The following INO80 variants were observed in gnomAD, a reference collection of about 807,000 sequenced individuals.
INO80 encodes the protein chromatin-remodeling ATPase INO80.
In INO80, 20 loss-of-function variants were observed where a neutral mutation model predicts 203.4. The ratio of observed to expected loss-of-function variants is 0.10; its 90% CI spans 0.07 to 0.14. INO80 has a LOEUF of 0.14. INO80 is among the 10% of genes least tolerant of loss of function. The pLI is 1.00. For synonymous variants in INO80, 726 were observed against 685.2 expected (o/e 1.06, Z -0.93); for missense variants, 1,419 against 1,914.4 (o/e 0.74, Z 4.83).
chr15:41,000,944 G>A (rs965684040), intron 28 of INO80, among the ~76,000 whole-genome samples: 4 of 152,078 alleles, frequency 2.6e-5, no homozygotes, highest in African/African-American at 9.7e-5. Context: ...TTGTGATGAT[G>A]AGGTAGATGA....
chr15:41,089,277 A>C (rs575900759), intron 5 of INO80, among the ~76,000 whole-genome samples: 1 of 152,302 alleles, frequency 6.6e-6, no homozygotes, highest in East Asian at 1.9e-4. Context: ...TTTAAGAAGG[A>C]AGGAACTTTT....
At chr15:41,065,957 T>C (rs1403440581) in intron 14 of INO80, among the ~76,000 whole-genome samples, 6 of 152,080 alleles carry the variant, frequency 3.9e-5, no homozygotes, top group Middle Eastern at 3.4e-3. Flanking sequence ...TTACACAAGA[T>C]TGTGAATGCA....
At chr15:41,008,170 CAAAAT>C (rs1022380160) in intron 27 of INO80, among the ~76,000 whole-genome samples, 49 of 151,328 alleles carry the variant, frequency 3.2e-4, no homozygotes, top group Admixed American at 6.6e-4. Context: ...GTGATTGTCT[CAAAAT>C]AAACAAACAA....
Position 41,099,469 on chromosome 15 carries a change from T to C in INO80, c.-43-3116A>G, listed in dbSNP as rs544533765. ...TTGTAAATTGTCAGTCTTGGTAATA[T>C]AAAGAAAAAAGAATGCTAAAAAATA... On this transcript the variant is annotated intron_variant, in intron 1 of 35. Coordinates refer to ENST00000648947, the MANE Select transcript of INO80 (RefSeq NM_017553.3). Among the ~76,000 whole-genome samples, 3 of 151,936 alleles carry C rather than the reference T, an allele frequency of 2.0e-5. No homozygotes were observed. In the South Asian group the frequency reaches 6.2e-4, roughly 32 times the overall value.
intron 35 of INO80, among the ~76,000 whole-genome samples, chr15:40,980,877 G>A (rs113252277): frequency 3.3e-4 from 50 of 152,156 alleles, no homozygotes; most frequent in African/African-American, 1.1e-3. Flanking sequence ...CCAGTAAGTC[G>A]GGCCAGAGGG....
intron 1 of INO80, among the ~76,000 whole-genome samples, chr15:41,097,410 G>A (rs2045742221): frequency 6.6e-6 from 1 of 152,094 alleles, no homozygotes; most frequent in African/African-American, 2.4e-5. Context: ...TACTTAAAGG[G>A]TTACACGAAG....
chr15:41,027,144 T>A (rs1161397135), intron 25 of INO80, among the ~76,000 whole-genome samples: 1 of 151,960 alleles, frequency 6.6e-6, no homozygotes, highest in Non-Finnish European at 1.5e-5. Context: ...GATGCTGGAG[T>A]GTTATGTTTC....
At chr15:41,088,800 C>A (rs2045595794) in intron 5 of INO80, among the ~76,000 whole-genome samples, 1 of 152,138 alleles carries the variant, frequency 6.6e-6, no homozygotes, top group South Asian at 2.1e-4. Flanking sequence ...TGTTAAAAAT[C>A]AAAATTAAAT....
chr15:41,040,590 A>C (rs2044651162), intron 24 of INO80, among the ~76,000 whole-genome samples: 1 of 152,188 alleles, frequency 6.6e-6, no homozygotes, highest in Admixed American at 6.6e-5. Context: ...GACAACATTG[A>C]GGCTGGGTGC....
intron 22 of INO80, 79 bp downstream of exon 22, chr15:41,048,132 TA>T: frequency 2.8e-6 from 3 of 1,071,362 alleles, no homozygotes; most frequent in Non-Finnish European, 4.3e-6. Flanking sequence ...ATACTCGTTC[TA>T]AATCAGTCTC....
rs11369722 is a variant in INO80 at position 41,020,640 on chromosome 15, C to CTT, written c.3274+258_3274+259dup. 2.0e-3 allele frequency among the ~76,000 whole-genome samples: 290 copies of CTT among 146,908 alleles called. 1 individual carries two copies. Among genetic ancestry groups the CTT allele is most frequent in the African/African-American group, 5.5e-3 (222 of 40,260 alleles). ...CCTTTCCTACTAAGTTTATTTCTAC[C>CTT]TTTTTTTTTTTAAGAGTGGCATTTC... On this transcript the variant is annotated intron_variant, in intron 26 of 35. Coordinates refer to ENST00000648947, the MANE Select transcript of INO80 (RefSeq NM_017553.3).
At position 40,982,883 on chromosome 15, in the gene INO80, A is replaced by G. The variant is rs372597359; in HGVS notation, c.4432T>C (p.Tyr1478His). The change falls in exon 35 of 36, where the codon TAC (tyrosine) becomes CAC (histidine). Residue 1478 changes from tyrosine to histidine, a missense_variant. Around this residue, in one of 9 missense-constraint regions of INO80, gnomAD observed 112 missense variants for 106.2 expected, o/e 1.05. Coordinates refer to ENST00000648947, the MANE Select transcript of INO80 (RefSeq NM_017553.3). ...AAASAAAYAAYGYNVSKGISA... is the reference protein window; with the variant it reads ...AAASAAAYAAHGYNVSKGISA... ...GTACCTTTAGACACGTTGTACCCGT[A>G]TGCGGCATAGGCAGCTGCAGAGGCC... The G allele has an allele frequency of 6.2e-7, 1 of 1,613,490 alleles. No individual in the cohort carries two copies. The highest frequency in any genetic ancestry group is 1.1e-5 in the South Asian group (1 of 91,040).
intron 24 of INO80, among the ~76,000 whole-genome samples, chr15:41,039,186 C>T (rs1177082215): frequency 6.6e-6 from 1 of 152,174 alleles, no homozygotes; most frequent in Non-Finnish European, 1.5e-5. Context: ...CTATGTTGCC[C>T]AGGCTGGTCT....
chr15:41,007,559 ATATATT>A (rs1165480569), intron 27 of INO80, among the ~76,000 whole-genome samples: 2 of 151,996 alleles, frequency 1.3e-5, no homozygotes, highest in African/African-American at 4.8e-5. Context: ...TTTGCTGTTT[ATATATT>A]TATATATCAA....
At chr15:41,088,986 C>T (rs555771222) in intron 5 of INO80, among the ~76,000 whole-genome samples, 4 of 152,000 alleles carry the variant, frequency 2.6e-5, no homozygotes, top group South Asian at 4.2e-4. Context: ...GTCAGGAAGT[C>T]GAGACCAGCC....
intron 24 of INO80, among the ~76,000 whole-genome samples, chr15:41,031,005 T>C (rs564141199): frequency 6.6e-6 from 1 of 152,338 alleles, no homozygotes; most frequent in Admixed American, 6.5e-5. Flanking sequence ...GTTAAAATAG[T>C]ATTCTCATTG....
chr15:41,080,267 C>T (rs930405103), intron 8 of INO80, among the ~76,000 whole-genome samples: 9 of 152,180 alleles, frequency 5.9e-5, no homozygotes, highest in Non-Finnish European at 8.8e-5. Context: ...CCAATTTACT[C>T]TTCACAAAAA....
chr15:41,058,497 T>A (rs1778746216), intron 16 of INO80, 142 bp downstream of exon 16: 1 of 785,906 alleles, frequency 1.3e-6, no homozygotes, highest in African/African-American at 1.8e-5. Context: ...CTTGTCTCTA[T>A]TAAAAAAATT....
chr15:41,084,181 A>G (rs569888410), intron 7 of INO80, among the ~76,000 whole-genome samples: 5 of 151,270 alleles, frequency 3.3e-5, no homozygotes, highest in Non-Finnish European at 7.4e-5. Context: ...TCCTTGGACT[A>G]TAATTGCAAC....
Sources: gnomAD v4.1 joint callset for allele counts (sites outside exome capture counted in the v4.1 genomes callset) on GRCh38, gnomAD v4.1.1 for gene constraint, gnomAD v4.1.1 regional missense constraint, MANE v1.5 for transcripts, NCBI Gene and HGNC (gene_info 2026-07-23, HGNC 2026-07-21) for gene names.